The following VAV2 variants were observed in gnomAD, a reference collection of about 807,000 sequenced individuals.
VAV2 encodes vav guanine nucleotide exchange factor 2.
In VAV2, 67 loss-of-function variants were observed where a neutral mutation model predicts 132.5. That is an observed-to-expected ratio of 0.51 (90% CI 0.42 to 0.62). VAV2 has a LOEUF of 0.62. VAV2 is among the 20% of genes least tolerant of loss of function. The probability of loss-of-function intolerance (pLI) is 0.00; values close to 1 mark genes in which losing one functional copy is unlikely to be tolerated. For missense variants in VAV2, 938 were observed against 1,153.6 expected, an observed-to-expected ratio of 0.81 and a Z score of 2.71; for synonymous variants, 492 against 443.5, an observed-to-expected ratio of 1.11 and a Z score of -1.37.
intron 12 of VAV2, among the ~76,000 whole-genome samples, chr9:133,792,129 C>T (rs1473864575): frequency 1.5e-3 from 50 of 33,570 alleles, no homozygotes; most frequent in Admixed American, 3.6e-3. Context: ...TGTGTGTGAG[C>T]GGGTTGTGCT....
chr9:133,979,502 C>T (rs1158449395), intron 1 of VAV2, among the ~76,000 whole-genome samples: 3 of 152,150 alleles, frequency 2.0e-5, no homozygotes, highest in Non-Finnish European at 4.4e-5. Context: ...AAGGAGCGGA[C>T]GCCGCAGCCG....
At position 133,861,445 on chromosome 9, in the gene VAV2, A is replaced by G. The variant is rs1367297142; in HGVS notation, c.322-13T>C. 6.2e-7 allele frequency: 1 copy of G among 1,612,628 alleles called. No individual in the cohort carries two copies. Among genetic ancestry groups the G allele is most frequent in the Non-Finnish European group, 8.5e-7 (1 of 1,179,536 alleles). Reference sequence around the variant, plus strand: ...CCGCGGAGATGACCTGGGGGAGACAAGAAGAGACGCTCCTGTAATTTCACA... The same window carrying G: ...CCGCGGAGATGACCTGGGGGAGACAGGAAGAGACGCTCCTGTAATTTCACA... On this transcript the variant is annotated splice_polypyrimidine_tract_variant and intron_variant, in intron 2 of 29. Transcript: ENST00000371850.
At chr9:133,795,857 C>A in intron 11 of VAV2, 121 bp from the exon 12 acceptor site, 1 of 1,082,718 alleles carries the variant, frequency 9.2e-7, no homozygotes, top group Non-Finnish European at 1.3e-6. Flanking sequence ...CACCCCCACC[C>A]GCCAGCCAGG....
At chr9:133,952,453 A>C (rs1331876968) in intron 1 of VAV2, among the ~76,000 whole-genome samples, 2 of 152,068 alleles carry the variant, frequency 1.3e-5, no homozygotes, top group African/African-American at 4.8e-5. Context: ...GATACAAAAA[A>C]TTAGCCAGGC....
chr9:133,916,440 G>A (rs368140298), intron 2 of VAV2, among the ~76,000 whole-genome samples: 16 of 152,328 alleles, frequency 1.1e-4, no homozygotes, highest in African/African-American at 3.8e-4. Context: ...ACAGGCCCAG[G>A]ACTAACAAAA....
At position 133,775,934 on chromosome 9, in the gene VAV2, G is replaced by A. The variant is rs1833793495; in HGVS notation, c.2018+94C>T. On this transcript the variant is annotated intron_variant, in intron 24 of 29. Transcript: ENST00000371850. ...GGCAGCCTGGGGCCTCCACCCTGCT[G>A]GGCCGCTCACAGGCACCACCCAGAC... 25 of 1,477,412 alleles carry A rather than the reference G, an allele frequency of 1.7e-5. No individual in the cohort carries two copies. In the South Asian group the frequency reaches 3.3e-4, roughly 19 times the overall value. 91.5% of individuals were successfully genotyped at this position (1,477,412 alleles called of 1,614,324 possible).
chr9:133,975,341 C>T (rs1368769449), intron 1 of VAV2, among the ~76,000 whole-genome samples: 15 of 152,202 alleles, frequency 9.9e-5, no homozygotes, highest in Admixed American at 9.8e-4. Flanking sequence ...TTATCTGCCT[C>T]TCTCCCTCCC....
rs1588240285 is a variant in VAV2, at chr9:133,991,324, G to A, written c.204+751C>T. ...AAGAAAAGCAGCTTCGTTCGGCTGGGCAGGCATTTTCCTGCCTGGCCCTGC... is the reference window on the plus strand; with the variant it reads ...AAGAAAAGCAGCTTCGTTCGGCTGGACAGGCATTTTCCTGCCTGGCCCTGC... On this transcript the variant is annotated intron_variant, in intron 1 of 29. Transcript: ENST00000371850. The surrounding 1 kb of genome is among the most constrained non-coding windows in gnomAD (Gnocchi z 4.8). Among the ~76,000 whole-genome samples the A allele has an allele frequency of 1.3e-5, 2 of 152,220 alleles. No homozygotes were observed. The highest frequency in any genetic ancestry group is 2.9e-5 in the Non-Finnish European group (2 of 68,028).
intron 2 of VAV2, among the ~76,000 whole-genome samples, chr9:133,933,884 T>TGATG (rs1157443195): frequency 5.1e-5 from 1 of 19,636 alleles, no homozygotes; most frequent in Non-Finnish European, 2.0e-4. Context: ...GATGGATGAA[T>TGATG]GATGGATGGA....
intron 2 of VAV2, among the ~76,000 whole-genome samples, chr9:133,913,816 T>C (rs907837081): frequency 6.6e-6 from 1 of 152,078 alleles, no homozygotes; most frequent in African/African-American, 2.4e-5. Context: ...ACACTGCCAT[T>C]GGGGGCAGCC....
intron 2 of VAV2, among the ~76,000 whole-genome samples, chr9:133,906,061 G>C (rs1839640061): frequency 6.6e-6 from 1 of 152,022 alleles, no homozygotes; most frequent in South Asian, 2.1e-4. Context: ...AAAAGAAAGA[G>C]GTTCCTACAA....
chr9:133,876,581 C>T (rs950544335), intron 2 of VAV2, among the ~76,000 whole-genome samples: 7 of 152,194 alleles, frequency 4.6e-5, no homozygotes, highest in African/African-American at 1.2e-4. Context: ...GAGCTGGCCT[C>T]GCCTGGGGCA....
rs562320068 is a variant in VAV2, at chr9:133,788,596, C to T, written c.1275-110G>A. 26 of 1,461,830 alleles carry T rather than the reference C, an allele frequency of 1.8e-5. No homozygotes were observed. The South Asian group carries it at 2.0e-4, about 11-fold the overall frequency. 90.6% of individuals were successfully genotyped at this position (1,461,830 alleles called of 1,614,324 possible). On this transcript the variant is annotated intron_variant, in intron 14 of 29. Transcript: ENST00000371850. The surrounding 1 kb of genome is among the most constrained non-coding windows in gnomAD (Gnocchi z 5.3). ...TCTGGCACGCGGCTCCCTCTCCGGGCGAGCCCTGCCCTCACCTGGCTCACC... is the reference window on the plus strand; with the variant it reads ...TCTGGCACGCGGCTCCCTCTCCGGGTGAGCCCTGCCCTCACCTGGCTCACC...
At chr9:133,827,971 A>G (rs1387438436) in intron 4 of VAV2, among the ~76,000 whole-genome samples, 2 of 268 alleles carry the variant, frequency 7.5e-3, no homozygotes, top group Non-Finnish European at 0.013. Flanking sequence ...ACCACTGAGC[A>G]CGGGCATCAC....
intron 3 of VAV2, among the ~76,000 whole-genome samples, chr9:133,835,967 T>A (rs1374279041): frequency 2.6e-5 from 4 of 152,142 alleles, no homozygotes; most frequent in African/African-American, 9.7e-5. Flanking sequence ...CCACTCTCCC[T>A]CCTTCCACCC....
intron 1 of VAV2, among the ~76,000 whole-genome samples, chr9:133,964,147 C>T (rs1026184495): frequency 3.4e-5 from 5 of 148,608 alleles, no homozygotes; most frequent in African/African-American, 1.2e-4. Context: ...TATGTGAGCC[C>T]AGGAGTTCAA....
At position 133,788,020 on chromosome 9, in the gene VAV2, C is replaced by T. The variant is rs918040272; in HGVS notation, c.1407+334G>A. 3.3e-4 allele frequency among the ~76,000 whole-genome samples: 50 copies of T among 152,360 alleles called. No homozygotes were observed. Among genetic ancestry groups the T allele is most frequent in the Admixed American group, 9.1e-4 (14 of 15,312 alleles). ...AGAGTCAGGCTGGCCAGATGGAAAG[C>T]CAAGGTTGAAAGTCCCACCCTCACT... On this transcript the variant is annotated intron_variant, in intron 15 of 29. Transcript: ENST00000371850. The surrounding 1 kb of genome is among the most constrained non-coding windows in gnomAD (Gnocchi z 5.3).
Position 133,788,774 on chromosome 9 carries a change from A to C in VAV2, c.1275-288T>G, listed in dbSNP as rs1227146417. On this transcript the variant is annotated intron_variant, in intron 14 of 29. Coordinates refer to ENST00000371850, the MANE Select transcript of VAV2 (RefSeq NM_001134398.2). The surrounding 1 kb of genome is among the most constrained non-coding windows in gnomAD (Gnocchi z 5.3). ...CACGCTGGCCTCCCATGCAGCACTG[A>C]CCCCCGACGGCTACTCCCAGTTGAT... is the stretch of plus-strand genomic sequence containing the variant. Among the ~76,000 whole-genome samples, 1 of 151,732 alleles carries C rather than the reference A, an allele frequency of 6.6e-6. No homozygotes were observed. The highest frequency in any genetic ancestry group is 1.5e-5 in the Non-Finnish European group (1 of 67,912).
chr9:133,798,748 G>A lies in VAV2; in HGVS notation c.837-939C>T, dbSNP rs1834818839. On this transcript the variant is annotated intron_variant, in intron 9 of 29. Transcript: ENST00000371850. Reference sequence around the variant, plus strand: ...CTGCTGCCAGGTGCTCTGCCGACAAGCCTTATGACTTTTTTGCCCATTTGT... The same window carrying A: ...CTGCTGCCAGGTGCTCTGCCGACAAACCTTATGACTTTTTTGCCCATTTGT... Among the ~76,000 whole-genome samples, 3 of 152,350 alleles carry A rather than the reference G, an allele frequency of 2.0e-5. No homozygotes were observed. In the East Asian group the frequency reaches 5.8e-4, roughly 29 times the overall value.
Sources: gnomAD v4.1 joint callset for allele counts (sites outside exome capture counted in the v4.1 genomes callset) on GRCh38, gnomAD v4.1.1 for gene constraint, Gnocchi (gnomAD v3.1) non-coding constraint, MANE v1.5 for transcripts, NCBI Gene and HGNC (gene_info 2026-07-23, HGNC 2026-07-21) for gene names.